Variants in NOX3 observed in about 807,000 individuals in gnomAD.
NOX3 encodes the protein NADPH oxidase catalytic subunit-like 3.
Under a neutral mutation model 76.7 loss-of-function variants are expected in NOX3, and 74 were observed. The observed-to-expected ratio is 0.96, with a 90% CI of 0.80 to 1.17. The LOEUF is 1.17. Ranked by LOEUF, NOX3 falls within the 50% of genes most tolerant of loss-of-function variation. The pLI, the probability that NOX3 is intolerant of heterozygous loss-of-function variation, is 0.00. For missense variants in NOX3, 695 were observed against 703.3 expected (o/e 0.99, Z 0.13); for synonymous variants, 263 against 261.1 (o/e 1.01, Z -0.07).
intron 10 of NOX3, among the ~76,000 whole-genome samples, chr6:155,418,471 T>G (rs964224698): frequency 1.3e-5 from 2 of 152,204 alleles, no homozygotes; most frequent in Non-Finnish European, 2.9e-5. Context: ...AATATTTCTT[T>G]CATGTATTAC....
chr6:155,448,674 C>T (rs999588557), intron 4 of NOX3, among the ~76,000 whole-genome samples: 8 of 148,932 alleles, frequency 5.4e-5, no homozygotes, highest in African/African-American at 2.0e-4. Flanking sequence ...ATAAAGGCTA[C>T]TATTAGAGCC....
chr6:155,443,479 A>T, intron 4 of NOX3, 61 bp from the exon 5 acceptor site: 1 of 1,563,448 alleles, frequency 6.4e-7, no homozygotes, highest in Non-Finnish European at 8.7e-7. Context: ...CTAGTTACTA[A>T]AAAATACAGT....
At chr6:155,411,860 A>C (rs1215334484) in intron 10 of NOX3, among the ~76,000 whole-genome samples, 1 of 152,206 alleles carries the variant, frequency 6.6e-6, no homozygotes, top group African/African-American at 2.4e-5. Flanking sequence ...GAATCAAGTC[A>C]CACAGGCCAG....
intron 10 of NOX3, among the ~76,000 whole-genome samples, chr6:155,414,263 A>C (rs946124495): frequency 2.0e-5 from 3 of 152,164 alleles, no homozygotes; most frequent in African/African-American, 7.2e-5. Flanking sequence ...GGGGACACTC[A>C]CTGGGAAGGG....
chr6:155,451,204 C>A (rs1015938617), intron 4 of NOX3, among the ~76,000 whole-genome samples: 31 of 152,106 alleles, frequency 2.0e-4, no homozygotes, highest in African/African-American at 7.2e-4. Context: ...GTCTCCAACT[C>A]CTGATCTCAG....
intron 7 of NOX3, 94 bp downstream of exon 7, chr6:155,436,324 G>T: frequency 7.1e-7 from 1 of 1,408,730 alleles, no homozygotes. Flanking sequence ...TTTGTCTAGT[G>T]GTGAAATGTG....
At chr6:155,427,936 T>G (rs1381795864) in intron 9 of NOX3, among the ~76,000 whole-genome samples, 2 of 152,172 alleles carry the variant, frequency 1.3e-5, no homozygotes, top group Admixed American at 1.3e-4. Flanking sequence ...GGTCTCACTC[T>G]GTCACCCAGG....
At chr6:155,416,945 T>C in intron 10 of NOX3, among the ~76,000 whole-genome samples, 1 of 151,892 alleles carries the variant, frequency 6.6e-6, no homozygotes, top group East Asian at 1.9e-4. Context: ...GAGATGGGGT[T>C]TTGCCATGTT....
At chr6:155,406,695 C>A (rs2114677570) in intron 12 of NOX3, among the ~76,000 whole-genome samples, 1 of 152,224 alleles carries the variant, frequency 6.6e-6, no homozygotes, top group East Asian at 1.9e-4. Flanking sequence ...AAGGCAGAAC[C>A]AGGATTTACA....
intron 4 of NOX3, among the ~76,000 whole-genome samples, chr6:155,446,129 T>C (rs1052108517): frequency 2.6e-5 from 4 of 151,696 alleles, no homozygotes; most frequent in African/African-American, 9.7e-5. Context: ...ACTGCTTCCT[T>C]ATGGCTTCAG....
chr6:155,413,458 G>T (rs139853680), intron 10 of NOX3, among the ~76,000 whole-genome samples: 6 of 152,016 alleles, frequency 3.9e-5, no homozygotes, highest in Non-Finnish European at 8.8e-5. Flanking sequence ...TCCATGGCCC[G>T]CAGCAGGTGG....
intron 6 of NOX3, 68 bp from the exon 7 acceptor site, chr6:155,436,615 G>A (rs1345374843): frequency 6.4e-7 from 1 of 1,561,858 alleles, no homozygotes; most frequent in African/African-American, 1.4e-5. Context: ...GAGCAGTCTT[G>A]TTCTCCCACA....
In NOX3 at chr6:155,452,291, T is replaced by C. The variant is rs182259612; in HGVS notation, c.340+1113A>G. On this transcript the variant is annotated intron_variant, in intron 4 of 13. Transcript: ENST00000159060. ...CTTTCCCTGAGTCTTTATTCCTTCA[T>C]GCATTCGCTCATTCATGAACGGTTA... Among the ~76,000 whole-genome samples, 619 of 152,362 alleles carry C rather than the reference T, an allele frequency of 4.1e-3. 3 individuals are homozygous for C. Among genetic ancestry groups the C allele is most frequent in the Non-Finnish European group, 6.8e-3 (466 of 68,036 alleles).
At chr6:155,407,771 A>C (rs1400613138) in intron 11 of NOX3, among the ~76,000 whole-genome samples, 1 of 152,104 alleles carries the variant, frequency 6.6e-6, no homozygotes, top group Non-Finnish European at 1.5e-5. Flanking sequence ...TATACTGTCC[A>C]GTTTCAAGTG....
rs1209939422 is a variant in NOX3, at chr6:155,395,618, T to C, written c.*28-44A>G. The stretch of plus-strand genomic sequence containing the variant: ...ATATTATCAGTGAAATATGTAGATA[T>C]TACAAGCTACATACCAGTAGTAGTG... On this transcript the variant is annotated intron_variant, in intron 13 of 13. Coordinates refer to ENST00000159060, the MANE Select transcript of NOX3 (RefSeq NM_015718.3). 4 of 152,170 alleles carry C rather than the reference T, an allele frequency of 2.6e-5. No homozygotes were observed. In the South Asian group the frequency reaches 6.2e-4, roughly 24 times the overall value. 9.4% of individuals were successfully genotyped at this position (152,170 alleles called of 1,614,324 possible).
At chr6:155,440,883 T>A (rs1013069153) in intron 5 of NOX3, among the ~76,000 whole-genome samples, 2 of 152,194 alleles carry the variant, frequency 1.3e-5, no homozygotes, top group Non-Finnish European at 2.9e-5. Flanking sequence ...GCGTTCCTAA[T>A]AAAGCAGCTG....
chr6:155,420,613 T>C (rs1401476233), intron 10 of NOX3, among the ~76,000 whole-genome samples: 1 of 152,180 alleles, frequency 6.6e-6, no homozygotes, highest in Non-Finnish European at 1.5e-5. Flanking sequence ...GTATTGAGAA[T>C]ATTACCTATC....
At chr6:155,395,991 T>C (rs1056081032) in intron 13 of NOX3, among the ~76,000 whole-genome samples, 19 of 152,164 alleles carry the variant, frequency 1.2e-4, no homozygotes, top group Admixed American at 3.9e-4. Flanking sequence ...TATTTGTAAA[T>C]ATATGGCATA....
intron 10 of NOX3, among the ~76,000 whole-genome samples, chr6:155,415,262 A>G (rs1776609740): frequency 6.6e-6 from 1 of 152,142 alleles, no homozygotes; most frequent in Non-Finnish European, 1.5e-5. Context: ...ATTTTGATAA[A>G]CAGTTTCAGA....
Sources: gnomAD v4.1 joint callset for allele counts (sites outside exome capture counted in the v4.1 genomes callset) on GRCh38, gnomAD v4.1.1 for gene constraint, MANE v1.5 for transcripts, NCBI Gene and HGNC (gene_info 2026-07-23, HGNC 2026-07-21) for gene names.